The following HDAC9 variants were observed in gnomAD, a reference collection of about 807,000 sequenced individuals.
HDAC9 encodes the protein histone deacetylase 9.
A neutral mutation model predicts 139.4 loss-of-function variants in HDAC9; 41 were observed. The observed-to-expected ratio is 0.29, with a 90% CI of 0.23 to 0.38. HDAC9 has a LOEUF of 0.38. HDAC9 is among the 10% of genes least tolerant of loss of function. The pLI is 1.00. For synonymous variants in HDAC9, 517 were observed against 476.2 expected, an observed-to-expected ratio of 1.09 and a Z score of -1.12; for missense variants, 1,147 against 1,297.0, an observed-to-expected ratio of 0.88 and a Z score of 1.78.
chr7:18,720,368 T>C (rs1020400301), intron 12 of HDAC9, among the ~76,000 whole-genome samples: 7 of 151,732 alleles, frequency 4.6e-5, no homozygotes, highest in African/African-American at 1.7e-4. Flanking sequence ...AATGGATTTA[T>C]TCTTTTGTTT....
At chr7:18,108,115 G>A (rs576569230) in intron 1 of HDAC9, among the ~76,000 whole-genome samples, 12 of 152,308 alleles carry the variant, frequency 7.9e-5, no homozygotes, top group African/African-American at 2.2e-4. Flanking sequence ...AAGCAAGGGA[G>A]TTGGGATATG....
intron 17 of HDAC9, among the ~76,000 whole-genome samples, chr7:18,811,479 T>A (rs1410705994): frequency 6.6e-6 from 1 of 151,808 alleles, no homozygotes; most frequent in African/African-American, 2.4e-5. Context: ...GAGTTCTTTT[T>A]TGACACGTGA....
In HDAC9 at chr7:18,846,458, A is replaced by C. The variant is rs367782530; in HGVS notation, c.2684+10461A>C. Among the ~76,000 whole-genome samples, 44 of 152,338 alleles carry C rather than the reference A, an allele frequency of 2.9e-4. No homozygotes were observed. The East Asian group carries it at 8.3e-3, about 29-fold the overall frequency. On this transcript the variant is annotated intron_variant, in intron 21 of 25. Coordinates refer to ENST00000686413, the MANE Select transcript of HDAC9 (RefSeq NM_178425.4). The stretch of plus-strand genomic sequence containing the variant: ...AGATCTTATGTAGACATTTGAGGAA[A>C]TATGGTTATTGACAAAATGTAAGCC...
intron 16 of HDAC9, among the ~76,000 whole-genome samples, chr7:18,783,525 C>T (rs1261498102): frequency 6.6e-6 from 1 of 152,088 alleles, no homozygotes; most frequent in Non-Finnish European, 1.5e-5. Context: ...CAGGCAGAGG[C>T]TGGAATCCTT....
At chr7:18,690,116 A>G (rs1261781084) in intron 12 of HDAC9, among the ~76,000 whole-genome samples, 3 of 151,906 alleles carry the variant, frequency 2.0e-5, no homozygotes, top group African/African-American at 7.2e-5. Context: ...CAGACAGCAT[A>G]TTGCTGCTTG....
chr7:18,306,436 G>A (rs1462829947), intron 1 of HDAC9, among the ~76,000 whole-genome samples: 1 of 152,172 alleles, frequency 6.6e-6, no homozygotes, highest in African/African-American at 2.4e-5. Context: ...GTAAATCTGA[G>A]TTTTACCCAT....
chr7:18,710,502 A>G (rs1388408597), intron 12 of HDAC9, among the ~76,000 whole-genome samples: 2 of 152,238 alleles, frequency 1.3e-5, no homozygotes, highest in African/African-American at 2.4e-5. Flanking sequence ...ATATATGCAT[A>G]CACACATACA....
At chr7:18,970,317 AAAG>A (rs200876707) in intron 24 of HDAC9, among the ~76,000 whole-genome samples, 2,432 of 152,246 alleles carry the variant, frequency 0.016, 61 homozygotes, top group African/African-American at 0.055. Flanking sequence ...TAATCAATAT[AAAG>A]AAGAAGCTGG....
chr7:18,333,870 G>A (rs187594086), intron 1 of HDAC9, among the ~76,000 whole-genome samples: 1 of 151,226 alleles, frequency 6.6e-6, no homozygotes, highest in Non-Finnish European at 1.5e-5. Context: ...TGAAAATATA[G>A]CTAAAAATGT....
At chr7:18,319,373 C>A (rs111438479) in intron 1 of HDAC9, among the ~76,000 whole-genome samples, 3,333 of 152,228 alleles carry the variant, frequency 0.022, 123 homozygotes, top group African/African-American at 0.076. Flanking sequence ...CACAATGTAT[C>A]TACAAATAAA....
At chr7:18,222,838 C>T (rs1792798834) in intron 2 of HDAC9, among the ~76,000 whole-genome samples, 1 of 152,074 alleles carries the variant, frequency 6.6e-6, no homozygotes. Context: ...AGAAATACCT[C>T]TTTTGTATGT....
At position 18,975,832 on chromosome 7, in the gene HDAC9, G is replaced by C. The variant is rs780154809; in HGVS notation, c.3049G>C (p.Val1017Leu). The change falls in exon 25 of 26, where the codon GTG becomes CTG. Residue 1017 changes from valine (V) to leucine (L), a missense_variant. Physicochemically the swap from Val to Leu is conservative, Grantham distance 32 (BLOSUM62 1). Transcript: ENST00000686413. ...QSKYWKSVRM[V>L]AVPRGCALAG... ...CAAGTATTGGAAGTCAGTAAGGATG[G>C]TGGCTGTGCCAAGGGGCTGTGCTCT... 5 of 1,613,882 alleles carry C rather than the reference G, an allele frequency of 3.1e-6. No homozygotes were observed. Among genetic ancestry groups the C allele is most frequent in the Non-Finnish European group, 4.2e-6 (5 of 1,179,816 alleles).
intron 2 of HDAC9, among the ~76,000 whole-genome samples, chr7:18,247,175 G>T (rs1432053744): frequency 6.6e-6 from 1 of 151,932 alleles, no homozygotes; most frequent in East Asian, 2.0e-4. Flanking sequence ...GTTCTAGAAA[G>T]AGTTCTGTTG....
At chr7:18,094,151 G>T (rs1782347048) in intron 1 of HDAC9, among the ~76,000 whole-genome samples, 1 of 152,114 alleles carries the variant, frequency 6.6e-6, no homozygotes, top group African/African-American at 2.4e-5. Flanking sequence ...GCCAGGCAAA[G>T]GGAGTTTTAT....
intron 16 of HDAC9, among the ~76,000 whole-genome samples, chr7:18,776,719 G>T (rs1022670181): frequency 6.6e-6 from 1 of 151,886 alleles, no homozygotes; most frequent in Admixed American, 6.6e-5. Flanking sequence ...GGATAGACAG[G>T]TGAGGGGTGA....
chr7:18,215,833 A>G (rs1037742638), intron 2 of HDAC9, among the ~76,000 whole-genome samples: 1 of 152,190 alleles, frequency 6.6e-6, no homozygotes, highest in Non-Finnish European at 1.5e-5. Context: ...CTTGGGCACC[A>G]TTGGCATATT....
At chr7:18,341,646 G>A (rs1212566682) in intron 1 of HDAC9, among the ~76,000 whole-genome samples, 1 of 151,560 alleles carries the variant, frequency 6.6e-6, no homozygotes, top group Non-Finnish European at 1.5e-5. Context: ...GGGATACAGT[G>A]ACACAACTGT....
intron 2 of HDAC9, among the ~76,000 whole-genome samples, chr7:18,507,336 G>A (rs1411691572): frequency 6.7e-6 from 1 of 149,048 alleles, no homozygotes; most frequent in Non-Finnish European, 1.5e-5. Context: ...AACTACAGGC[G>A]CCCGCCACCA....
intron 16 of HDAC9, among the ~76,000 whole-genome samples, chr7:18,783,895 C>A (rs1791465657): frequency 6.6e-6 from 1 of 151,970 alleles, no homozygotes; most frequent in South Asian, 2.1e-4. Context: ...ACCATGCTAT[C>A]ATTTCCTTAA....
Sources: allele counts gnomAD v4.1 joint callset (sites outside exome capture counted in the v4.1 genomes callset), GRCh38; gene constraint gnomAD v4.1.1; transcripts MANE v1.5; gene names NCBI Gene and HGNC (gene_info 2026-07-23, HGNC 2026-07-21).